Variants in TACC2 observed in about 807,000 individuals in gnomAD.
TACC2 encodes transforming acidic coiled-coil-containing protein 2.
A neutral mutation model predicts 227.3 loss-of-function variants in TACC2; 137 were observed. The observed-to-expected ratio is 0.60, with a 90% CI of 0.52 to 0.69. The LOEUF (loss-of-function observed/expected upper bound fraction) is 0.69. TACC2 is among the 30% of genes least tolerant of loss of function. TACC2 has a pLI of 0.00. For missense variants in TACC2, 3,470 were observed against 3,694.4 expected (o/e 0.94, Z 1.57); for synonymous variants, 1,523 against 1,487.5 (o/e 1.02, Z -0.55).
intron 16 of TACC2, among the ~76,000 whole-genome samples, 159 bp from the exon 17 acceptor site, chr10:122,237,236 G>A (rs543887825): frequency 5.3e-5 from 8 of 152,238 alleles, no homozygotes; most frequent in Admixed American, 3.3e-4. Context: ...GACTGGACTC[G>A]GCATTTCCCT....
At chr10:122,011,716 T>G (rs548338654) in intron 1 of TACC2, among the ~76,000 whole-genome samples, 38 of 152,278 alleles carry the variant, frequency 2.5e-4, no homozygotes, top group African/African-American at 6.5e-4. Context: ...TAATTTGTTG[T>G]TGGTGGTGGT....
chr10:122,033,386 T>C (rs927397040), intron 2 of TACC2, among the ~76,000 whole-genome samples: 2 of 152,146 alleles, frequency 1.3e-5, no homozygotes, highest in Non-Finnish European at 2.9e-5. Flanking sequence ...AAGAACTGGC[T>C]TGGTTGGTAT....
intron 10 of TACC2, among the ~76,000 whole-genome samples, chr10:122,216,073 C>T (rs964515850): frequency 6.6e-6 from 1 of 152,166 alleles, no homozygotes; most frequent in Non-Finnish European, 1.5e-5. Context: ...AAAGCCCCAG[C>T]CTGCAGACCC....
chr10:122,128,257 G>A (rs1049277673), intron 5 of TACC2, among the ~76,000 whole-genome samples: 1 of 152,136 alleles, frequency 6.6e-6, no homozygotes, highest in Non-Finnish European at 1.5e-5. Context: ...CTTCACATAC[G>A]GTGGTTACAT....
intron 7 of TACC2, among the ~76,000 whole-genome samples, chr10:122,181,629 A>G (rs1390225953): frequency 2.0e-5 from 3 of 152,192 alleles, no homozygotes; most frequent in African/African-American, 7.2e-5. Context: ...GTTGATGCTC[A>G]TATTTGATGG....
chr10:122,114,294 C>A (rs2084226220), intron 5 of TACC2, among the ~76,000 whole-genome samples: 2 of 152,176 alleles, frequency 1.3e-5, no homozygotes, highest in African/African-American at 4.8e-5. Context: ...TTTTAAAAGC[C>A]GTTTCCATGA....
chr10:122,241,699 A>C, intron 18 of TACC2: 1 of 542,946 alleles, frequency 1.8e-6, no homozygotes. Context: ...AATACCTGGG[A>C]CTGCAGGCAT....
intron 5 of TACC2, among the ~76,000 whole-genome samples, chr10:122,104,502 G>C (rs1467632237): frequency 6.6e-6 from 1 of 152,102 alleles, no homozygotes. Flanking sequence ...CTGAGTAGCT[G>C]TGATTACAGG....
At chr10:122,022,781 C>T (rs908008977) in intron 2 of TACC2, 2 of 152,202 alleles carry the variant, frequency 1.3e-5, no homozygotes, top group African/African-American at 4.8e-5. Flanking sequence ...TCATGTTAAA[C>T]AAGGTTTTCA....
chr10:122,015,106 T>TAAAAAAA, intron 1 of TACC2, among the ~76,000 whole-genome samples: 1 of 147,398 alleles, frequency 6.8e-6, no homozygotes. Context: ...TCATCTGCTA[T>TAAAAAAA]AAAAAAAAAA....
intron 13 of TACC2, 134 bp from the exon 14 acceptor site, chr10:122,227,703 C>A: frequency 1.0e-6 from 1 of 966,282 alleles, no homozygotes; most frequent in Non-Finnish European, 1.6e-6. Flanking sequence ...GCTGCATGGC[C>A]ACTGGAGACC....
chr10:122,064,539 A>G (rs1234797970), intron 3 of TACC2, among the ~76,000 whole-genome samples: 1 of 152,210 alleles, frequency 6.6e-6, no homozygotes, highest in Non-Finnish European at 1.5e-5. Flanking sequence ...AAACCACATT[A>G]TTGGAGAGCC....
intron 7 of TACC2, among the ~76,000 whole-genome samples, chr10:122,185,505 A>G (rs958885889): frequency 1.3e-5 from 2 of 152,102 alleles, no homozygotes; most frequent in African/African-American, 4.8e-5. Context: ...CATACTCTTT[A>G]TCAGTGCTAT....
chr10:122,009,397 G>A (rs892414725), intron 1 of TACC2, among the ~76,000 whole-genome samples: 1 of 152,010 alleles, frequency 6.6e-6, no homozygotes, highest in Admixed American at 6.6e-5. Context: ...TCAGCTACTC[G>A]GGAGGCTGAG....
chr10:122,034,045 A>G (rs890169947), intron 2 of TACC2, among the ~76,000 whole-genome samples: 1 of 151,122 alleles, frequency 6.6e-6, no homozygotes, highest in South Asian at 2.1e-4. Flanking sequence ...CCAGTTACTC[A>G]GGAGGCTGAG....
At chr10:122,129,061 A>T (rs923497076) in intron 5 of TACC2, among the ~76,000 whole-genome samples, 1 of 6,730 alleles carries the variant, frequency 1.5e-4, no homozygotes, top group African/African-American at 2.0e-4. Flanking sequence ...TCTTATTTTA[A>T]TTATTATTAT....
At chr10:122,217,413 GT>G (rs1283143934) in intron 11 of TACC2, among the ~76,000 whole-genome samples, 2 of 136,704 alleles carry the variant, frequency 1.5e-5, no homozygotes, top group East Asian at 2.1e-4. Flanking sequence ...CAATTTCAGT[GT>G]TTTTTCTTTT....
chr10:122,153,675 T>G (rs1203255869), intron 7 of TACC2, among the ~76,000 whole-genome samples: 1 of 152,250 alleles, frequency 6.6e-6, no homozygotes, highest in Non-Finnish European at 1.5e-5. Context: ...TGCCTTGCAC[T>G]GCAGTGCCTC....
At chr10:122,046,331 G>A (rs2074993538) in intron 2 of TACC2, among the ~76,000 whole-genome samples, 1 of 151,694 alleles carries the variant, frequency 6.6e-6, no homozygotes, top group Non-Finnish European at 1.5e-5. Context: ...AAAATTAGCC[G>A]GGCGTGGTGG....
Sources: allele counts gnomAD v4.1 joint callset (sites outside exome capture counted in the v4.1 genomes callset), GRCh38; gene constraint gnomAD v4.1.1; transcripts MANE v1.5; gene names NCBI Gene and HGNC (gene_info 2026-07-23, HGNC 2026-07-21).